Variants in ANKRD36 observed in about 807,000 individuals in gnomAD.
The protein encoded by ANKRD36 is ankyrin repeat domain-containing protein 36A.
Under a neutral mutation model 278.1 loss-of-function variants are expected in ANKRD36, and 179 were observed. The observed-to-expected ratio is 0.64, with a 90% CI of 0.57 to 0.73. The LOEUF (loss-of-function observed/expected upper bound fraction) is 0.73, where lower values mean the gene tolerates loss of function less well. Among genes scored for constraint, ANKRD36 ranks in the 30% least tolerant of loss-of-function variants. ANKRD36 has a pLI of 0.00. For synonymous variants in ANKRD36, 320 were observed against 641.1 expected, an observed-to-expected ratio of 0.50 and a Z score of 7.57; for missense variants, 1,159 against 1,956.7, an observed-to-expected ratio of 0.59 and a Z score of 7.69.
At chr2:97,226,032 A>G (rs1322659257) in intron 67 of ANKRD36, among the ~76,000 whole-genome samples, 1 of 151,824 alleles carries the variant, frequency 6.6e-6, no homozygotes, top group Non-Finnish European at 1.5e-5. Flanking sequence ...TCATTGTTGG[A>G]CATTTGGGTT....
rs1386348042 is a variant in ANKRD36, at chr2:97,179,754, A to G, written c.1650A>G (p.Gln550=). 4 of 1,593,734 alleles carry G rather than the reference A, an allele frequency of 2.5e-6. 1 individual carries two copies. The East Asian group carries it at 6.7e-5, about 27-fold the overall frequency. The change falls in exon 23 of 76, where the codon CAA becomes CAG. Residue 550 remains glutamine, a synonymous_variant. Coordinates refer to ENST00000420699, the MANE Select transcript of ANKRD36 (RefSeq NM_001354587.1). Reference sequence around the variant, plus strand: ...GCTTTTCAGTGTCTTCTCAGAAACAACCAGCTGAGAAGGTAATTAAAGTCT... The same window carrying G: ...GCTTTTCAGTGTCTTCTCAGAAACAGCCAGCTGAGAAGGTAATTAAAGTCT... ...PPPGKVSSQK[Q]PAEKATSDDK...
At chr2:97,203,976 G>C (rs1202542891) in intron 48 of ANKRD36, 92 bp from the exon 49 acceptor site, 1 of 1,512,614 alleles carries the variant, frequency 6.6e-7, no homozygotes, top group Non-Finnish European at 8.9e-7. Flanking sequence ...ATACAGGCAG[G>C]AGGACAGAGG....
intron 17 of ANKRD36, among the ~76,000 whole-genome samples, chr2:97,159,809 G>A (rs1018799204): frequency 2.0e-5 from 3 of 150,570 alleles, no homozygotes; most frequent in East Asian, 2.0e-4. Flanking sequence ...TTGAGACGGA[G>A]TCTCGCTCTG....
At chr2:97,225,128 A>G (rs1389135485) in intron 67 of ANKRD36, among the ~76,000 whole-genome samples, 33 of 151,882 alleles carry the variant, frequency 2.2e-4, no homozygotes, top group Admixed American at 2.1e-3. Context: ...TTGCACTTCT[A>G]TTTTTATAAC....
chr2:97,231,944 A>G (rs1034005026), intron 67 of ANKRD36, among the ~76,000 whole-genome samples: 1 of 152,096 alleles, frequency 6.6e-6, no homozygotes, highest in Non-Finnish European at 1.5e-5. Flanking sequence ...TTATAGTACC[A>G]CAAGTCATCT....
At chr2:97,182,405 A>G (rs1289727242) in intron 26 of ANKRD36, among the ~76,000 whole-genome samples, 4 of 143,632 alleles carry the variant, frequency 2.8e-5, no homozygotes, top group Non-Finnish European at 6.3e-5. Context: ...TAGAACTGGG[A>G]TAAACCACAG....
At chr2:97,203,373 G>C (rs1246773832) in intron 48 of ANKRD36, among the ~76,000 whole-genome samples, 3 of 151,858 alleles carry the variant, frequency 2.0e-5, no homozygotes, top group Non-Finnish European at 4.4e-5. Context: ...GATAATTGAT[G>C]ATATTTTTAT....
chr2:97,191,765 G>T (rs78003917), intron 36 of ANKRD36, among the ~76,000 whole-genome samples: 1 of 151,552 alleles, frequency 6.6e-6, no homozygotes, highest in Non-Finnish European at 1.5e-5. Flanking sequence ...ATTTGATTTT[G>T]GCAGCACAAG....
At position 97,190,348 on chromosome 2, in the gene ANKRD36, A is replaced by C. The variant is rs200512873; in HGVS notation, c.2246-630A>C. 2.3e-5 allele frequency among the ~76,000 whole-genome samples: 2 copies of C among 85,162 alleles called. 1 individual carries two copies. Among genetic ancestry groups the C allele is most frequent in the East Asian group, 4.5e-4 (2 of 4,406 alleles). The allele number at this position is 85,162 out of a possible 152,430, so 55.9% of individuals were successfully genotyped here. On this transcript the variant is annotated intron_variant, in intron 34 of 75. Transcript: ENST00000420699. ...ACTGGATGAAGAAACTTTCGGAGGG[A>C]TAAACTAGTGGATACAAGAAACTTA...
chr2:97,140,163 A>G (rs2153446846), intron 6 of ANKRD36, among the ~76,000 whole-genome samples: 1 of 151,820 alleles, frequency 6.6e-6, no homozygotes, highest in Non-Finnish European at 1.5e-5. Context: ...TAAGGATCTC[A>G]GCGTGTCTTA....
intron 56 of ANKRD36, among the ~76,000 whole-genome samples, chr2:97,210,359 A>T (rs181427796): frequency 0.01 from 1,533 of 151,548 alleles, 1 homozygote; most frequent in Non-Finnish European, 0.018. Flanking sequence ...AATAAGAGGA[A>T]TTCTTTTATA....
At chr2:97,202,799 G>A (rs1222016509) in intron 48 of ANKRD36, among the ~76,000 whole-genome samples, 1 of 151,774 alleles carries the variant, frequency 6.6e-6, no homozygotes. Flanking sequence ...ACACACTGTA[G>A]GAGAAGTAAG....
At chr2:97,227,260 A>G (rs1386037571) in intron 67 of ANKRD36, among the ~76,000 whole-genome samples, 21 of 152,134 alleles carry the variant, frequency 1.4e-4, no homozygotes, top group Non-Finnish European at 2.6e-4. Flanking sequence ...ACCCATGAGC[A>G]TGGAATGTTC....
chr2:97,229,004 C>T (rs1250351520), intron 67 of ANKRD36, among the ~76,000 whole-genome samples: 2 of 152,196 alleles, frequency 1.3e-5, no homozygotes, highest in East Asian at 2.0e-4. Flanking sequence ...CTGACAGACA[C>T]TTTGTTATAC....
chr2:97,232,024 A>T (rs552045005), intron 67 of ANKRD36, among the ~76,000 whole-genome samples: 156 of 151,986 alleles, frequency 1.0e-3, no homozygotes, highest in African/African-American at 3.6e-3. Context: ...ACAGTGACAA[A>T]TTAAAGTTTC....
At chr2:97,144,843 A>T in intron 10 of ANKRD36, 131 bp downstream of exon 10, 2 of 1,286,322 alleles carry the variant, frequency 1.6e-6, no homozygotes, top group Non-Finnish European at 2.1e-6. Context: ...TGCATTTGTA[A>T]TAAGTTCTGG....
At chr2:97,131,395 C>G (rs1354875744) in intron 6 of ANKRD36, among the ~76,000 whole-genome samples, 4 of 151,990 alleles carry the variant, frequency 2.6e-5, no homozygotes, top group Non-Finnish European at 5.9e-5. Flanking sequence ...ACAAGGGTCT[C>G]TCTCTCTTAC....
chr2:97,173,374 A>G (rs539655810), intron 22 of ANKRD36, among the ~76,000 whole-genome samples: 1 of 151,806 alleles, frequency 6.6e-6, no homozygotes, highest in Non-Finnish European at 1.5e-5. Context: ...TAGAGACAAA[A>G]TGAGAGATGA....
chr2:97,199,810 C>G (rs1205217503), intron 44 of ANKRD36, among the ~76,000 whole-genome samples: 1 of 151,874 alleles, frequency 6.6e-6, no homozygotes, highest in African/African-American at 2.4e-5. Flanking sequence ...CCAAGGTGAT[C>G]AATTCAGGAC....
Sources: allele counts gnomAD v4.1 joint callset (sites outside exome capture counted in the v4.1 genomes callset), GRCh38; gene constraint gnomAD v4.1.1; transcripts MANE v1.5; gene names NCBI Gene and HGNC (gene_info 2026-07-23, HGNC 2026-07-21).